NRIP1: variants seen among roughly 807,000 people sequenced by gnomAD.
NRIP1 encodes the protein nuclear receptor interacting protein 1, also known as nuclear receptor-interacting protein 1.
NRIP1 carries 28 observed loss-of-function variants against 75.0 expected under a neutral mutation model. That is an observed-to-expected ratio of 0.37 (90% CI 0.28 to 0.51). NRIP1 has a LOEUF of 0.51. Among genes scored for constraint, NRIP1 ranks in the 20% least tolerant of loss-of-function variants. NRIP1 has a pLI of 0.92. For synonymous variants in NRIP1, 526 were observed against 487.6 expected, an observed-to-expected ratio of 1.08 and a Z score of -1.04; for missense variants, 1,435 against 1,343.7, an observed-to-expected ratio of 1.07 and a Z score of -1.06.
chr21:15,009,845 T>C (rs2088060675), intron 3 of NRIP1, among the ~76,000 whole-genome samples: 2 of 152,184 alleles, frequency 1.3e-5, no homozygotes, highest in African/African-American at 4.8e-5. Flanking sequence ...TTCTGTCATA[T>C]AGCTTTTTAA....
At chr21:15,046,955 G>C (rs1003213719) in intron 1 of NRIP1, among the ~76,000 whole-genome samples, 21 of 152,148 alleles carry the variant, frequency 1.4e-4, no homozygotes, top group African/African-American at 4.8e-4. Flanking sequence ...TCTGGATTAG[G>C]TTTTGGCTTA....
chr21:15,011,253 G>A (rs1034913987), intron 3 of NRIP1, among the ~76,000 whole-genome samples: 1 of 152,054 alleles, frequency 6.6e-6, no homozygotes, highest in East Asian at 1.9e-4. Flanking sequence ...GCAGTGGCGC[G>A]ATCTCAGCTC....
intron 3 of NRIP1, among the ~76,000 whole-genome samples, chr21:15,000,606 T>G (rs749601742): frequency 1.3e-5 from 2 of 152,164 alleles, no homozygotes; most frequent in Non-Finnish European, 2.9e-5. Flanking sequence ...TTCTAAAATC[T>G]TCAAAATTTG....
Position 14,962,011 on chromosome 21 carries a change from CATATTATAT to C in NRIP1, c.*2696_*2704del, listed in dbSNP as rs2086601760. 2 of 75,924 alleles carry C rather than the reference CATATTATAT, an allele frequency of 2.6e-5. No individual in the cohort carries two copies. The highest frequency in any genetic ancestry group is 4.5e-5 in the Non-Finnish European group (2 of 44,320). The allele number at this position is 75,924 out of a possible 1,614,324, so 4.7% of individuals were successfully genotyped here. ...TAACAAGTCAATATATATATATATA[CATATTATAT>C]ATATATATATATATATATATATAAA... On this transcript the variant is annotated 3_prime_UTR_variant, in exon 4 of 4. Coordinates refer to ENST00000318948, the MANE Select transcript of NRIP1 (RefSeq NM_003489.4).
intron 3 of NRIP1, among the ~76,000 whole-genome samples, chr21:14,993,746 C>T (rs1421867502): frequency 6.6e-6 from 1 of 151,766 alleles, no homozygotes; most frequent in Non-Finnish European, 1.5e-5. Flanking sequence ...GATCATGCCA[C>T]TGTGCTCCAG....
chr21:14,984,050 T>C (rs1408196037), intron 3 of NRIP1, among the ~76,000 whole-genome samples: 3 of 152,222 alleles, frequency 2.0e-5, no homozygotes, highest in Admixed American at 1.3e-4. Flanking sequence ...TCATATCTTA[T>C]TGGAAAAACA....
chr21:15,059,839 A>T (rs2089386241), intron 1 of NRIP1, among the ~76,000 whole-genome samples: 1 of 152,046 alleles, frequency 6.6e-6, no homozygotes, highest in South Asian at 2.1e-4. Flanking sequence ...TTTAAATCTG[A>T]TTCACATTAT....
At chr21:15,026,771 C>T (rs1224546643) in intron 2 of NRIP1, among the ~76,000 whole-genome samples, 1 of 151,770 alleles carries the variant, frequency 6.6e-6, no homozygotes, top group Non-Finnish European at 1.5e-5. Context: ...GGAATATTGC[C>T]CAGGAGTGGA....
intron 3 of NRIP1, among the ~76,000 whole-genome samples, chr21:14,997,132 A>G (rs2087750854): frequency 6.6e-6 from 1 of 152,144 alleles, no homozygotes; most frequent in Non-Finnish European, 1.5e-5. Context: ...ACAGATCTAC[A>G]AAAAATCTCT....
At chr21:14,972,938 C>G (rs2086943240) in intron 3 of NRIP1, among the ~76,000 whole-genome samples, 1 of 152,182 alleles carries the variant, frequency 6.6e-6, no homozygotes, top group African/African-American at 2.4e-5. Context: ...GCTGTGTGGC[C>G]CAGTTCCTAA....
chr21:15,022,439 G>C (rs2088401046), intron 2 of NRIP1, among the ~76,000 whole-genome samples: 1 of 152,136 alleles, frequency 6.6e-6, no homozygotes, highest in South Asian at 2.1e-4. Flanking sequence ...TTGATGCTGG[G>C]CTTAGTATCT....
intron 1 of NRIP1, among the ~76,000 whole-genome samples, chr21:15,054,320 A>C (rs1490651048): frequency 6.6e-6 from 1 of 152,192 alleles, no homozygotes; most frequent in Non-Finnish European, 1.5e-5. Flanking sequence ...GACTACAGGA[A>C]GTGATGCTAA....
At chr21:15,048,600 T>G (rs1304120845) in intron 1 of NRIP1, among the ~76,000 whole-genome samples, 1 of 152,226 alleles carries the variant, frequency 6.6e-6, no homozygotes, top group Non-Finnish European at 1.5e-5. Context: ...ATTAGGACAT[T>G]ACTTTTTTAG....
Position 14,964,864 on chromosome 21 carries a change from G to A in NRIP1, c.3329C>T (p.Pro1110Leu). ...SQVTAKEELLPTAETKASFFN... is the reference protein window; with the variant it reads ...SQVTAKEELLLTAETKASFFN... ...GAAAGAAGCTTTCGTTTCTGCAGTA[G>A]GAAGTAACTCTTCTTTGGCTGTGAC... Residue 1110 changes from proline (P) to leucine (L), a missense_variant, in exon 4 of 4, where the codon CCT becomes CTT. Coordinates refer to ENST00000318948, the MANE Select transcript of NRIP1 (RefSeq NM_003489.4). 2 of 1,613,344 alleles carry A rather than the reference G, an allele frequency of 1.2e-6. No homozygotes were observed. The highest frequency in any genetic ancestry group is 1.7e-6 in the Non-Finnish European group (2 of 1,179,688).
At chr21:15,051,983 C>T (rs2089211330) in intron 1 of NRIP1, 1 of 152,152 alleles carries the variant, frequency 6.6e-6, no homozygotes. Context: ...TTGTTCTAGC[C>T]TATTAACCCT....
intron 3 of NRIP1, among the ~76,000 whole-genome samples, chr21:14,989,758 A>G (rs1021682730): frequency 1.3e-5 from 2 of 152,050 alleles, no homozygotes; most frequent in Non-Finnish European, 2.9e-5. Context: ...AAAGTCATGG[A>G]ATATACATGA....
chr21:14,966,671 T>C lies in NRIP1; in HGVS notation c.1522A>G (p.Lys508Glu), dbSNP rs780006522. Residue 508 changes from lysine to glutamate, a missense_variant, in exon 4 of 4, where the codon AAG becomes GAG. Coordinates refer to ENST00000318948, the MANE Select transcript of NRIP1 (RefSeq NM_003489.4). ...VTLLQLLLGH[K>E]NEENVEKNTS... Reference sequence around the variant, plus strand: ...TTTTTTTCTACATTTTCTTCATTCTTATGGCCAAGTAGCAATTGAAGAAGT... The same window carrying C: ...TTTTTTTCTACATTTTCTTCATTCTCATGGCCAAGTAGCAATTGAAGAAGT... The C allele has an allele frequency of 3.1e-6, 5 of 1,614,144 alleles. No homozygotes were observed. Among genetic ancestry groups the C allele is most frequent in the Non-Finnish European group, 4.2e-6 (5 of 1,179,992 alleles).
At chr21:15,010,570 A>C (rs2088079070) in intron 3 of NRIP1, among the ~76,000 whole-genome samples, 1 of 152,254 alleles carries the variant, frequency 6.6e-6, no homozygotes, top group Non-Finnish European at 1.5e-5. Flanking sequence ...AAATTAAAAA[A>C]ATGTTAATTG....
chr21:15,038,591 C>T (rs910169386), intron 2 of NRIP1, among the ~76,000 whole-genome samples: 2 of 151,808 alleles, frequency 1.3e-5, no homozygotes, highest in Non-Finnish European at 1.5e-5. Context: ...TAATAATAAA[C>T]CCTATTTTTT....
Sources: allele counts gnomAD v4.1 joint callset (sites outside exome capture counted in the v4.1 genomes callset), GRCh38; gene constraint gnomAD v4.1.1; transcripts MANE v1.5; gene names NCBI Gene and HGNC (gene_info 2026-07-23, HGNC 2026-07-21).